The following OR6B1 variants were observed in gnomAD, a reference collection of about 807,000 sequenced individuals.
The protein encoded by OR6B1 is olfactory receptor 6B1.
OR6B1 carries 15 observed loss-of-function variants against 15.4 expected under a neutral mutation model. The ratio of observed to expected loss-of-function variants is 0.97; its 90% CI spans 0.65 to 1.50. OR6B1 has a LOEUF of 1.50. Among genes scored for constraint, OR6B1 ranks in the 40% most tolerant of loss-of-function variants. OR6B1 has a pLI of 0.00. For missense variants in OR6B1, 384 were observed against 385.0 expected, an observed-to-expected ratio of 1.00 and a Z score of 0.02; for synonymous variants, 139 against 144.9, an observed-to-expected ratio of 0.96 and a Z score of 0.29.
rs2050579312 is a variant in OR6B1, at chr7:144,000,541, T to C, written c.-135T>C. On this transcript the variant is annotated 5_prime_UTR_variant, in exon 1 of 2. Transcript: ENST00000641698. ...ACTCTTTCTAGGTTTAGAAAGTGGG[T>C]TCCTCACATCTATTCAATACCTGAA... is the stretch of plus-strand genomic sequence containing the variant. 2 of 152,564 alleles carry C rather than the reference T, an allele frequency of 1.3e-5. No homozygotes were observed. The highest frequency in any genetic ancestry group is 4.8e-5 in the African/African-American group (2 of 41,436). The allele number at this position is 152,564 out of a possible 1,614,324, so 9.5% of individuals were successfully genotyped here.
chr7:144,003,775 A>T lies in OR6B1; in HGVS notation c.-25-197A>T, dbSNP rs866573294. On this transcript the variant is annotated intron_variant, in intron 1 of 1. Coordinates refer to ENST00000641698, the MANE Select transcript of OR6B1 (RefSeq NM_001005281.3). The stretch of plus-strand genomic sequence containing the variant: ...CTTCATCTTTAAAACAGATACAATC[A>T]CACACACACACACACACACACACAC... Among the ~76,000 whole-genome samples the T allele has an allele frequency of 1.7e-3, 229 of 134,444 alleles. 1 individual carries two copies. Among genetic ancestry groups the T allele is most frequent in the Middle Eastern group, 7.5e-3 (2 of 266 alleles). The allele number at this position is 134,444 out of a possible 152,430, so 88.2% of individuals were successfully genotyped here. A position where few individuals can be genotyped will look rare whatever the true frequency, so the allele number is the denominator to read the frequency against.
Position 144,005,079 on chromosome 7 carries a change from G to A in OR6B1, c.*147G>A. The stretch of plus-strand genomic sequence containing the variant: ...TTCAATCTCAGGCGCTTGGGTATCT[G>A]CATCTGTGCATATGGTCAGTGCTCT... On this transcript the variant is annotated 3_prime_UTR_variant, in exon 2 of 2. Coordinates refer to ENST00000641698, the MANE Select transcript of OR6B1 (RefSeq NM_001005281.3). 4 of 620,050 alleles carry A rather than the reference G, an allele frequency of 6.5e-6. No individual in the cohort carries two copies. Among genetic ancestry groups the A allele is most frequent in the South Asian group, 4.0e-5 (2 of 49,680 alleles). The allele number at this position is 620,050 out of a possible 1,614,324, so 38.4% of individuals were successfully genotyped here.
rs763002061 is a variant in OR6B1 at position 144,003,981 on chromosome 7, G to A, written c.-16G>A. ...GATTTTTCCTCCCCAGGAGAGCTAAGCCCTGTGTCTCCAATATGGAGTTGG... is the reference window on the plus strand; with the variant it reads ...GATTTTTCCTCCCCAGGAGAGCTAAACCCTGTGTCTCCAATATGGAGTTGG... On this transcript the variant is annotated 5_prime_UTR_variant, in exon 2 of 2. Transcript: ENST00000641698. 1.9e-6 allele frequency: 3 copies of A among 1,583,048 alleles called. No homozygotes were observed. Among genetic ancestry groups the A allele is most frequent in the East Asian group, 2.2e-5 (1 of 44,750 alleles).
Position 144,004,819 on chromosome 7 carries a change from T to G in OR6B1, c.823T>G (p.Phe275Val), listed in dbSNP as rs2050613510. The G allele has an allele frequency of 1.2e-6, 2 of 1,613,804 alleles. No homozygotes were observed. Among genetic ancestry groups the G allele is most frequent in the Non-Finnish European group, 1.7e-6 (2 of 1,179,984 alleles). ...CAACATGAACAAAATTATTTCCATC[T>G]TCTATGCCATTGTCACTCCTTCTCT... is the stretch of plus-strand genomic sequence containing the variant. ...AFNMNKIISI[F>V]YAIVTPSLNP... Residue 275 changes from phenylalanine to valine, a missense_variant, in exon 2 of 2, where the codon TTC (phenylalanine) becomes GTC (valine). Transcript: ENST00000641698.
chr7:144,004,263 C>A lies in OR6B1; in HGVS notation c.267C>A (p.Asn89Lys). 6.2e-7 allele frequency: 1 copy of A among 1,614,178 alleles called. No homozygotes were observed. Among genetic ancestry groups the A allele is most frequent in the South Asian group, 1.1e-5 (1 of 91,074 alleles). Residue 89 changes from asparagine (N) to lysine (K), a missense_variant, in exon 2 of 2, where the codon AAC (asparagine) becomes AAA (lysine). Coordinates refer to ENST00000641698, the MANE Select transcript of OR6B1 (RefSeq NM_001005281.3). ...PKLLFSFWSV[N>K]NSISFTLCMI... ...TACTGTTTAGTTTTTGGTCTGTGAACAACAGCATCTCTTTCACACTCTGTA... is the reference window on the plus strand; with the variant it reads ...TACTGTTTAGTTTTTGGTCTGTGAAAAACAGCATCTCTTTCACACTCTGTA...
intron 1 of OR6B1, 76 bp from the exon 2 acceptor site, chr7:144,003,896 A>G (rs2116974395): frequency 2.7e-6 from 2 of 741,890 alleles, no homozygotes; most frequent in Non-Finnish European, 4.4e-6. Flanking sequence ...AATGATAACT[A>G]TTACTGATAG....
rs2050626161 is a variant in OR6B1 at position 144,006,557 on chromosome 7, G to A, written c.*1625G>A. 2 of 152,132 alleles carry A rather than the reference G, an allele frequency of 1.3e-5. No individual in the cohort carries two copies. The highest frequency in any genetic ancestry group is 1.3e-4 in the Admixed American group (2 of 15,272). The allele number at this position is 152,132 out of a possible 1,614,324, so 9.4% of individuals were successfully genotyped here. On this transcript the variant is annotated 3_prime_UTR_variant, in exon 2 of 2. Transcript: ENST00000641698. Reference sequence around the variant, plus strand: ...GTAGTTTGGTCCCTTGATGCAACAAGTAAGTTGTGATGAATATATTTCTAT... The same window carrying A: ...GTAGTTTGGTCCCTTGATGCAACAAATAAGTTGTGATGAATATATTTCTAT...
Position 144,004,324 on chromosome 7 carries a change from A to C in OR6B1, c.328A>C (p.Thr110Pro). ...GTACTTCTTCATTGCTCTCATGTGC[A>C]CAGAATGTGTGCTTCTGGCCGCCAT... ...QLYFFIALMC[T>P]ECVLLAAMAY... Residue 110 changes from threonine (T) to proline (P), a missense_variant, in exon 2 of 2, where the codon ACA becomes CCA. Coordinates refer to ENST00000641698, the MANE Select transcript of OR6B1 (RefSeq NM_001005281.3). 1 of 1,614,180 alleles carries C rather than the reference A, an allele frequency of 6.2e-7. No homozygotes were observed.
rs756070736 is a variant in OR6B1, at chr7:144,004,171, A to G, written c.175A>G (p.Met59Val). ...VLQNRPLHKP[M>V]YFFLANLSFL... ...GCAAAATCGGCCACTGCACAAGCCTATGTACTTCTTCCTGGCCAACCTGTC... is the reference window on the plus strand; with the variant it reads ...GCAAAATCGGCCACTGCACAAGCCTGTGTACTTCTTCCTGGCCAACCTGTC... Residue 59 changes from methionine to valine, a missense_variant, in exon 2 of 2, where the codon ATG becomes GTG. Met to Val is a conservative substitution (Grantham distance 21, BLOSUM62 1). Transcript: ENST00000641698. The G allele has an allele frequency of 2.5e-6, 4 of 1,614,162 alleles. No individual in the cohort carries two copies. Among genetic ancestry groups the G allele is most frequent in the East Asian group, 2.2e-5 (1 of 44,892 alleles).
rs2050621296 is a variant in OR6B1, at chr7:144,005,948, T to G, written c.*1016T>G. ...GATATGCTTGCTCTTGGTTCATAGT[T>G]TTGCCATTGGCAAAGGGAGATATAT... On this transcript the variant is annotated 3_prime_UTR_variant, in exon 2 of 2. Transcript: ENST00000641698. 1 of 152,256 alleles carries G rather than the reference T, an allele frequency of 6.6e-6. No individual in the cohort carries two copies. The highest frequency in any genetic ancestry group is 1.5e-5 in the Non-Finnish European group (1 of 68,056). The allele number at this position is 152,256 out of a possible 1,614,324, so 9.4% of individuals were successfully genotyped here. A position where few individuals can be genotyped will look rare whatever the true frequency, so the allele number is the denominator to read the frequency against.
Position 144,008,690 on chromosome 7 carries a change from T to C in OR6B1, c.*3758T>C. On this transcript the variant is annotated 3_prime_UTR_variant, in exon 2 of 2. Transcript: ENST00000641698. ...CTCTCTCTCTCTCTTGCCGCCATGT[T>C]AGATGTGCCTTCCTTCCCCTTCGCC... 1 of 152,530 alleles carries C rather than the reference T, an allele frequency of 6.6e-6. No individual in the cohort carries two copies. Among genetic ancestry groups the C allele is most frequent in the South Asian group, 2.0e-4 (1 of 4,962 alleles). 9.4% of individuals were successfully genotyped at this position (152,530 alleles called of 1,614,324 possible).
rs149595144 is a variant in OR6B1, at chr7:144,005,702, C to G, written c.*770C>G. On this transcript the variant is annotated 3_prime_UTR_variant, in exon 2 of 2. Transcript: ENST00000641698. ...TTTGATCTTGATATCCTCTTGTTCCCGCCCCGCACCCCCCTTCCCGCCCTC... is the reference window on the plus strand; with the variant it reads ...TTTGATCTTGATATCCTCTTGTTCCGGCCCCGCACCCCCCTTCCCGCCCTC... 1 of 151,980 alleles carries G rather than the reference C, an allele frequency of 6.6e-6. No homozygotes were observed. The highest frequency in any genetic ancestry group is 1.5e-5 in the Non-Finnish European group (1 of 67,996). The allele number at this position is 151,980 out of a possible 1,614,324, so 9.4% of individuals were successfully genotyped here.
At position 144,007,378 on chromosome 7, in the gene OR6B1, C is replaced by T. The variant is rs148914765; in HGVS notation, c.*2446C>T. 1 of 152,184 alleles carries T rather than the reference C, an allele frequency of 6.6e-6. No individual in the cohort carries two copies. The highest frequency in any genetic ancestry group is 2.4e-5 in the African/African-American group (1 of 41,546). The allele number at this position is 152,184 out of a possible 1,614,324, so 9.4% of individuals were successfully genotyped here. On this transcript the variant is annotated 3_prime_UTR_variant, in exon 2 of 2. Transcript: ENST00000641698. ...ACAAAGCAAGCCGGAAGTTTCAGGG[C>T]ATTTGGTGATCTTGTTGGGGTAACC...
rs1168383580 is a variant in OR6B1 at position 144,008,068 on chromosome 7, C to A, written c.*3136C>A. On this transcript the variant is annotated 3_prime_UTR_variant, in exon 2 of 2. Transcript: ENST00000641698. Reference sequence around the variant, plus strand: ...TGTCAAAGGAAGAGAGCCCTGATGACAGCTTGATTTTGGACTCCTGGCCTC... The same window carrying A: ...TGTCAAAGGAAGAGAGCCCTGATGAAAGCTTGATTTTGGACTCCTGGCCTC... The A allele has an allele frequency of 1.3e-5, 2 of 152,184 alleles. No individual in the cohort carries two copies. Among genetic ancestry groups the A allele is most frequent in the Non-Finnish European group, 2.9e-5 (2 of 68,042 alleles). The allele number at this position is 152,184 out of a possible 1,614,324, so 9.4% of individuals were successfully genotyped here. A position where few individuals can be genotyped will look rare whatever the true frequency, so the allele number is the denominator to read the frequency against.
At position 144,004,411 on chromosome 7, in the gene OR6B1, G is replaced by A. The variant is rs2050607663; in HGVS notation, c.415G>A (p.Gly139Arg). ...CCACTACCCAACCATAATGAGCCAT[G>A]GGCTCTGCTTCCGCCTCGCTCTTGG... ...PLHYPTIMSH[G>R]LCFRLALGSW... The change falls in exon 2 of 2, where the codon GGG (glycine) becomes AGG (arginine). Residue 139 changes from glycine to arginine, a missense_variant. Gly to Arg is a moderately radical substitution (Grantham distance 125). Transcript: ENST00000641698. 1.2e-6 allele frequency: 2 copies of A among 1,614,182 alleles called. No homozygotes were observed. The highest frequency in any genetic ancestry group is 4.5e-5 in the East Asian group (2 of 44,884).
chr7:144,004,985 C>A lies in OR6B1; in HGVS notation c.*53C>A. On this transcript the variant is annotated 3_prime_UTR_variant, in exon 2 of 2. Transcript: ENST00000641698. The stretch of plus-strand genomic sequence containing the variant: ...TCTGAGTGGGTGCCTGTATGTCTTC[C>A]TCCATCCTTTCTCCTTTAACGACTC... 7.7e-7 allele frequency: 1 copy of A among 1,296,336 alleles called. No individual in the cohort carries two copies. The highest frequency in any genetic ancestry group is 1.1e-6 in the Non-Finnish European group (1 of 945,190). 80.3% of individuals were successfully genotyped at this position (1,296,336 alleles called of 1,614,324 possible). A position where few individuals can be genotyped will look rare whatever the true frequency, so the allele number is the denominator to read the frequency against.
At chr7:144,003,309 A>G (rs1462740591) in intron 1 of OR6B1, among the ~76,000 whole-genome samples, 1 of 152,234 alleles carries the variant, frequency 6.6e-6, no homozygotes, top group African/African-American at 2.4e-5. Context: ...AATAAGCTGA[A>G]TAAATATTAA....
chr7:144,007,907 T>C lies in OR6B1; in HGVS notation c.*2975T>C, dbSNP rs576740171. 6.6e-6 allele frequency: 1 copy of C among 152,242 alleles called. No homozygotes were observed. Among genetic ancestry groups the C allele is most frequent in the African/African-American group, 2.4e-5 (1 of 41,536 alleles). The allele number at this position is 152,242 out of a possible 1,614,324, so 9.4% of individuals were successfully genotyped here. A position where few individuals can be genotyped will look rare whatever the true frequency, so the allele number is the denominator to read the frequency against. On this transcript the variant is annotated 3_prime_UTR_variant, in exon 2 of 2. Coordinates refer to ENST00000641698, the MANE Select transcript of OR6B1 (RefSeq NM_001005281.3). ...TCAATGTCCAATGACAAGTTCCTTA[T>C]ATGAGAGAGAAGAGAAAACAGAGAA...
chr7:144,004,012 C>T lies in OR6B1; in HGVS notation c.16C>T (p.Gln6Ter). MELEN[Q>*]TRVTKFILVG... ...TGTCTCCAATATGGAGTTGGAGAAC[C>T]AGACACGAGTCACCAAGTTCATTCT... The change falls in exon 2 of 2, where the codon CAG becomes TAG. Residue 6 changes from glutamine (Q) to a stop codon, truncating the protein, a stop_gained. Coordinates refer to ENST00000641698, the MANE Select transcript of OR6B1 (RefSeq NM_001005281.3). LOFTEE classifies it high-confidence loss of function. 12 of 1,610,698 alleles carry T rather than the reference C, an allele frequency of 7.5e-6. No individual in the cohort carries two copies. Among genetic ancestry groups the T allele is most frequent in the Non-Finnish European group, 9.3e-6 (11 of 1,178,276 alleles).
Sources: gnomAD v4.1 joint callset for allele counts (sites outside exome capture counted in the v4.1 genomes callset) on GRCh38, gnomAD v4.1.1 for gene constraint, MANE v1.5 for transcripts, NCBI Gene and HGNC (gene_info 2026-07-23, HGNC 2026-07-21) for gene names.